Variants in MMAA observed in about 807,000 individuals in gnomAD.
The protein encoded by MMAA is metabolism of cobalamin associated A, also known as methylmalonic aciduria type A protein, mitochondrial.
Under a neutral mutation model 45.0 loss-of-function variants are expected in MMAA, and 41 were observed. The ratio of observed to expected loss-of-function variants is 0.91; its 90% CI spans 0.71 to 1.18. The LOEUF (loss-of-function observed/expected upper bound fraction) is 1.18, where lower values mean the gene tolerates loss of function less well. MMAA is among the 50% of genes most tolerant of loss of function. The probability of loss-of-function intolerance (pLI) is 0.00; values close to 1 mark genes in which losing one functional copy is unlikely to be tolerated. For missense variants in MMAA, 460 were observed against 495.7 expected (o/e 0.93, Z 0.68); for synonymous variants, 154 against 178.2 (o/e 0.86, Z 1.08).
chr4:145,650,038 G>A (rs977363679), intron 4 of MMAA, among the ~76,000 whole-genome samples: 21 of 152,204 alleles, frequency 1.4e-4, no homozygotes, highest in Admixed American at 3.3e-4. Context: ...GAAGTGGAAG[G>A]AGTCAGCATA....
chr4:145,653,824 A>G (rs551160092), intron 5 of MMAA, among the ~76,000 whole-genome samples, 170 bp from the exon 6 acceptor site: 1 of 152,240 alleles, frequency 6.6e-6, no homozygotes, highest in Non-Finnish European at 1.5e-5. Context: ...TATAATTCCA[A>G]TAGCCAATGC....
chr4:145,634,118 C>T (rs1257412862), intron 1 of MMAA, among the ~76,000 whole-genome samples: 1 of 152,208 alleles, frequency 6.6e-6, no homozygotes, highest in African/African-American at 2.4e-5. Context: ...AGTGGCAAAG[C>T]CAGACAGGCT....
chr4:145,638,976 G>A (rs889026869), intron 1 of MMAA, 99 bp from the exon 2 acceptor site: 1 of 656,010 alleles, frequency 1.5e-6, no homozygotes, highest in Non-Finnish European at 2.6e-6. Context: ...CTGATTATGT[G>A]TGGTTTAGAA....
chr4:145,639,005 C>A, intron 1 of MMAA, 70 bp from the exon 2 acceptor site: 2 of 800,820 alleles, frequency 2.5e-6, no homozygotes, highest in Non-Finnish European at 4.1e-6. Flanking sequence ...AAACACTAGG[C>A]TTTCAAATTT....
intron 5 of MMAA, among the ~76,000 whole-genome samples, chr4:145,652,992 C>T (rs909464562): frequency 3.3e-5 from 5 of 152,042 alleles, no homozygotes; most frequent in Non-Finnish European, 5.9e-5. Context: ...GCCTCAGCCT[C>T]CCAGGTAGCT....
intron 4 of MMAA, 81 bp downstream of exon 4, chr4:145,646,237 AT>A: frequency 6.6e-7 from 1 of 1,516,462 alleles, no homozygotes; most frequent in Non-Finnish European, 9.1e-7. Context: ...ATTTTTGTTC[AT>A]TCAGCAGATA....
At chr4:145,624,037 G>C in intron 1 of MMAA, 1 of 762,854 alleles carries the variant, frequency 1.3e-6, no homozygotes, top group Non-Finnish European at 2.4e-6. Context: ...TTCAAAATTA[G>C]GCAGGAGAAG....
chr4:145,639,776 A>G (rs1727731315), intron 2 of MMAA, 198 bp downstream of exon 2: 3 of 984,182 alleles, frequency 3.0e-6, no homozygotes, highest in Non-Finnish European at 2.4e-6. Context: ...AACCAAGGCT[A>G]TGTATTTTAA....
chr4:145,619,638 A>G (rs1443246659), intron 1 of MMAA, among the ~76,000 whole-genome samples: 1 of 152,230 alleles, frequency 6.6e-6, no homozygotes, highest in African/African-American at 2.4e-5. Flanking sequence ...AGCTTTAACA[A>G]AGAAAGGCCC....
At chr4:145,646,389 G>A (rs1394913503) in intron 4 of MMAA, 2 of 495,248 alleles carry the variant, frequency 4.0e-6, no homozygotes, top group Non-Finnish European at 7.2e-6. Flanking sequence ...TATACAGGTG[G>A]TATATTATAC....
chr4:145,638,752 A>T (rs1727694138), intron 1 of MMAA, among the ~76,000 whole-genome samples: 1 of 152,136 alleles, frequency 6.6e-6, no homozygotes, highest in Non-Finnish European at 1.5e-5. Flanking sequence ...AACTGTTAAG[A>T]CGAATTTAAG....
Position 145,639,438 on chromosome 4 carries a change from G to GT in MMAA, c.302dup (p.Leu101PhefsTer38). 6.2e-7 allele frequency: 1 copy of GT among 1,614,170 alleles called. No homozygotes were observed. Among genetic ancestry groups the GT allele is most frequent in the Non-Finnish European group, 8.5e-7 (1 of 1,180,026 alleles). On this transcript the variant is annotated frameshift_variant, in exon 2 of 7. Transcript: ENST00000649156. LOFTEE classifies it high-confidence loss of function. ...GGTTTAATCCAAGGGCAAAGGGCCT[G>GT]TTTAGCAGAGGCCATAACTCTTGTA...
intron 1 of MMAA, among the ~76,000 whole-genome samples, 187 bp downstream of exon 1, chr4:145,619,594 G>A (rs1323007586): frequency 1.3e-5 from 2 of 152,196 alleles, no homozygotes. Flanking sequence ...GATATGTGTG[G>A]ACAGGCAGGA....
rs769722136 is a variant in MMAA at position 145,651,088 on chromosome 4, G to A, written c.760G>A (p.Ala254Thr). Residue 254 changes from alanine to threonine, a missense_variant, in exon 5 of 7, where the codon GCT becomes ACT. Transcript: ENST00000649156. The stretch of plus-strand genomic sequence containing the variant: ...TGTGGGTCAGTCGGAGTTTGCTGTT[G>A]CTGACATGGTTGACATGTTTGTTTT... ...VGVGQSEFAV[A>T]DMVDMFVLLL... 1.4e-5 allele frequency: 22 copies of A among 1,614,066 alleles called. No homozygotes were observed. Among genetic ancestry groups the A allele is most frequent in the Non-Finnish European group, 1.7e-5 (20 of 1,180,024 alleles).
intron 1 of MMAA, chr4:145,624,053 A>G: frequency 1.3e-6 from 1 of 789,704 alleles, no homozygotes; most frequent in Non-Finnish European, 2.3e-6. Flanking sequence ...AGAAGAACTA[A>G]GCTAACTGGT....
chr4:145,634,973 AAAG>A (rs1218151473), intron 1 of MMAA, among the ~76,000 whole-genome samples: 2 of 151,776 alleles, frequency 1.3e-5, no homozygotes, highest in Non-Finnish European at 2.9e-5. Flanking sequence ...CCTCAAGCAG[AAAG>A]AAGGTGTCTC....
intron 3 of MMAA, among the ~76,000 whole-genome samples, chr4:145,643,968 G>A (rs900575887): frequency 1.3e-5 from 2 of 151,812 alleles, no homozygotes; most frequent in African/African-American, 4.8e-5. Flanking sequence ...GACTTTGAAA[G>A]AAAAAAATAC....
intron 3 of MMAA, among the ~76,000 whole-genome samples, chr4:145,643,239 C>T (rs1238900719): frequency 6.6e-6 from 1 of 152,152 alleles, no homozygotes; most frequent in Admixed American, 6.5e-5. Flanking sequence ...TACAGTTACT[C>T]ACTTAGCAAG....
At chr4:145,624,580 C>A in intron 1 of MMAA, 2 of 1,245,614 alleles carry the variant, frequency 1.6e-6, no homozygotes, top group South Asian at 2.5e-5. Flanking sequence ...ACCAGCAATT[C>A]TAGAAGGAAC....
Sources: gnomAD v4.1 joint callset for allele counts (sites outside exome capture counted in the v4.1 genomes callset) on GRCh38, gnomAD v4.1.1 for gene constraint, MANE v1.5 for transcripts, NCBI Gene and HGNC (gene_info 2026-07-23, HGNC 2026-07-21) for gene names.